ERG: variants seen among roughly 807,000 people sequenced by gnomAD.
ERG encodes ETS transcription factor ERG.
A neutral mutation model predicts 55.3 loss-of-function variants in ERG; 9 were observed. The ratio of observed to expected loss-of-function variants is 0.16; its 90% CI spans 0.10 to 0.28. ERG has a LOEUF of 0.28. Among genes scored for constraint, ERG ranks in the 10% least tolerant of loss-of-function variants. The pLI is 1.00. For missense variants in ERG, 434 were observed against 631.6 expected (o/e 0.69, Z 3.35); for synonymous variants, 223 against 237.3 (o/e 0.94, Z 0.55).
Position 38,381,665 on chromosome 21 carries a change from T to C in ERG, c.*1738A>G. The C allele has an allele frequency of 5.6e-6, 6 of 1,063,636 alleles. No homozygotes were observed. The highest frequency in any genetic ancestry group is 6.8e-6 in the Non-Finnish European group (6 of 878,282). The allele number at this position is 1,063,636 out of a possible 1,614,324, so 65.9% of individuals were successfully genotyped here. ...GGTAGCTTGTTCACTGTTCAACAAA[T>C]GTATTTTAATCATAGCAGGAATTAA... On this transcript the variant is annotated 3_prime_UTR_variant, in exon 10 of 10. Transcript: ENST00000288319.
At chr21:38,510,571 TAA>T (rs957930364) in intron 2 of ERG, among the ~76,000 whole-genome samples, 1 of 152,206 alleles carries the variant, frequency 6.6e-6, no homozygotes, top group African/African-American at 2.4e-5. Context: ...TTTTTGTCTT[TAA>T]AAGAGTGGAA....
Position 38,533,463 on chromosome 21 carries a change from T to C in ERG, c.-41+42199A>G, listed in dbSNP as rs2077995867. ...CCTTCAATCCTCTAAAATGAAGGTT[T>C]TGAAGATGCTTGCCAATGGAACGTT... On this transcript the variant is annotated intron_variant, in intron 2 of 8. Coordinates refer to the ERG transcript ENST00000398897. Among the ~76,000 whole-genome samples, 5 of 152,220 alleles carry C rather than the reference T, an allele frequency of 3.3e-5. 1 individual carries two copies. The South Asian group carries it at 1.0e-3, about 31-fold the overall frequency.
upstream of ERG, among the ~76,000 whole-genome samples, chr21:38,587,899 T>A (rs2060076161): frequency 6.6e-6 from 1 of 152,236 alleles, no homozygotes; most frequent in African/African-American, 2.4e-5. Context: ...GTTGAGACAT[T>A]GTTGGGCCTG....
intron 1 of ERG, among the ~76,000 whole-genome samples, chr21:38,607,391 C>T (rs202131040): frequency 2.6e-5 from 4 of 152,162 alleles, no homozygotes; most frequent in East Asian, 3.9e-4. Context: ...GTAATCCCAG[C>T]GCCTCCTGAG....
chr21:38,496,877 G>A (rs774679968), intron 1 of ERG, among the ~76,000 whole-genome samples: 4 of 152,018 alleles, frequency 2.6e-5, no homozygotes, highest in East Asian at 1.9e-4. Flanking sequence ...ACATAAGATC[G>A]TACCCAAGCT....
At chr21:38,415,547 T>C (rs1258610325) in intron 3 of ERG, among the ~76,000 whole-genome samples, 1 of 152,082 alleles carries the variant, frequency 6.6e-6, no homozygotes, top group Admixed American at 6.5e-5. Context: ...AAACAGAAGA[T>C]TAAAGAAGCA....
chr21:38,552,480 C>A (rs2059830589), intron 2 of ERG, among the ~76,000 whole-genome samples: 1 of 152,112 alleles, frequency 6.6e-6, no homozygotes, highest in Admixed American at 6.5e-5. Flanking sequence ...AAAAGCTAAT[C>A]CACCATGATT....
intron 1 of ERG, among the ~76,000 whole-genome samples, chr21:38,582,684 A>T (rs2060037491): frequency 6.6e-6 from 1 of 152,264 alleles, no homozygotes; most frequent in Non-Finnish European, 1.5e-5. Context: ...AACAAGTGGT[A>T]ATCATTATAA....
intron 1 of ERG, among the ~76,000 whole-genome samples, chr21:38,624,947 A>T (rs958197461): frequency 6.6e-6 from 1 of 152,134 alleles, no homozygotes; most frequent in Non-Finnish European, 1.5e-5. Flanking sequence ...CACATAGAAA[A>T]TTTTTTGTTC....
chr21:38,545,564 C>T (rs1399585696), intron 2 of ERG, among the ~76,000 whole-genome samples: 1 of 152,150 alleles, frequency 6.6e-6, no homozygotes, highest in East Asian at 1.9e-4. Flanking sequence ...ATAAATAATC[C>T]AAAACATCTC....
chr21:38,382,045 GGCCAA>G lies in ERG; in HGVS notation c.*1353_*1357del. ...TGTATAAATCTGATTTGCCATGCTAGGCCAAGCTTATTTTATTACATACATTCTGC... is the reference window on the plus strand; with the variant it reads ...TGTATAAATCTGATTTGCCATGCTAGGCTTATTTTATTACATACATTCTGC... On this transcript the variant is annotated 3_prime_UTR_variant, in exon 10 of 10. Transcript: ENST00000288319. The G allele has an allele frequency of 9.4e-7, 1 of 1,059,688 alleles. No individual in the cohort carries two copies. The allele number at this position is 1,059,688 out of a possible 1,614,324, so 65.6% of individuals were successfully genotyped here.
chr21:38,419,265 C>G (rs1314243978), intron 3 of ERG, among the ~76,000 whole-genome samples: 2 of 152,234 alleles, frequency 1.3e-5, no homozygotes, highest in Non-Finnish European at 2.9e-5. Flanking sequence ...CAGGGCTGCC[C>G]AGAATGCCTG....
chr21:38,485,626 A>AT lies in ERG; in HGVS notation c.18+12736dup, dbSNP rs529472172. On this transcript the variant is annotated intron_variant, in intron 1 of 9. Coordinates refer to ENST00000288319, the MANE Select transcript of ERG (RefSeq NM_182918.4). ...AGGCATGCGCCACCATGCCCGGCTA[A>AT]TTTTTGTATTTTTAGTAGAGATGGG... 2.6e-3 allele frequency among the ~76,000 whole-genome samples: 391 copies of AT among 151,372 alleles called. 2 individuals are homozygous for AT. The highest frequency in any genetic ancestry group is 8.9e-3 in the African/African-American group (369 of 41,230).
intron 1 of ERG, among the ~76,000 whole-genome samples, chr21:38,617,417 C>T (rs75567232): frequency 0.021 from 3,157 of 152,280 alleles, 38 homozygotes; most frequent in East Asian, 0.051. Context: ...AAAGGGCAGG[C>T]GGATGACCTG....
intron 2 of ERG, among the ~76,000 whole-genome samples, chr21:38,572,746 ACT>A (rs1032753257): frequency 2.6e-5 from 4 of 152,014 alleles, no homozygotes; most frequent in African/African-American, 9.7e-5. Flanking sequence ...TTTTTTAAAA[ACT>A]CTCAGTTATG....
At position 38,481,383 on chromosome 21, in the gene ERG, G is replaced by T. The variant is rs1294748957; in HGVS notation, c.18+16980C>A. 2.0e-5 allele frequency among the ~76,000 whole-genome samples: 3 copies of T among 152,146 alleles called. No homozygotes were observed. In the East Asian group the frequency reaches 5.8e-4, roughly 29 times the overall value. On this transcript the variant is annotated intron_variant, in intron 1 of 9. Transcript: ENST00000288319. ...ACAATGGTGATATGAATTCTTAAATGATTAAAGAAACAGTCCACTAAAAAT... is the reference window on the plus strand; with the variant it reads ...ACAATGGTGATATGAATTCTTAAATTATTAAAGAAACAGTCCACTAAAAAT...
In ERG at chr21:38,403,542, C is replaced by T. The variant is rs1384526747; in HGVS notation, c.556G>A (p.Asp186Asn). 9 of 1,614,034 alleles carry T rather than the reference C, an allele frequency of 5.6e-6. No homozygotes were observed. The highest frequency in any genetic ancestry group is 1.7e-5 in the Admixed American group (1 of 60,002). ...TAGTGGAGATGTGAGAGAAGGATGT[C>T]GGCGTTGTAGCTGGGGGTGAGCCTC... The part of the protein sequence containing the change: ...FQRLTPSYNA[D>N]ILLSHLHYLR... The change falls in exon 4 of 10, where the codon GAC becomes AAC. Residue 186 changes from aspartate (D) to asparagine (N), a missense_variant. By Grantham distance (23) the Asp-to-Asn change is conservative. This residue lies in a region of ERG where 212 missense variants were observed against 262.9 expected (regional missense o/e 0.81). Transcript: ENST00000288319.
chr21:38,660,136 C>T (rs903299886), intron 1 of ERG, among the ~76,000 whole-genome samples: 3 of 151,796 alleles, frequency 2.0e-5, no homozygotes, highest in African/African-American at 7.3e-5. Flanking sequence ...CAGGACCCAG[C>T]GGACAGTGAC....
intron 1 of ERG, among the ~76,000 whole-genome samples, chr21:38,627,700 C>T (rs1225312423): frequency 6.6e-6 from 1 of 152,064 alleles, no homozygotes; most frequent in African/African-American, 2.4e-5. Context: ...GAACTCTTAG[C>T]GTTCTGGTAG....
Sources: allele counts gnomAD v4.1 joint callset (sites outside exome capture counted in the v4.1 genomes callset), GRCh38; gene constraint gnomAD v4.1.1; regional missense constraint gnomAD v4.1.1; transcripts MANE v1.5; gene names NCBI Gene and HGNC (gene_info 2026-07-23, HGNC 2026-07-21).